ANKLE2: variants seen among roughly 807,000 people sequenced by gnomAD.
The protein encoded by ANKLE2 is ankyrin repeat and LEM domain containing 2.
ANKLE2 carries 55 observed loss-of-function variants against 84.2 expected under a neutral mutation model. The ratio of observed to expected loss-of-function variants is 0.65; its 90% confidence interval spans 0.53 to 0.82. The LOEUF is 0.82. ANKLE2 is among the 40% of genes least tolerant of loss of function. ANKLE2 has a pLI of 0.00. For synonymous variants in ANKLE2, 551 were observed against 486.1 expected, an observed-to-expected ratio of 1.13 and a Z score of -1.76; for missense variants, 1,238 against 1,201.9, an observed-to-expected ratio of 1.03 and a Z score of -0.44.
chr12:132,737,006 G>C lies in ANKLE2; in HGVS notation c.1480C>G (p.Leu494Val). 1 of 1,613,244 alleles carries C rather than the reference G, an allele frequency of 6.2e-7. No individual in the cohort carries two copies. Among genetic ancestry groups the C allele is most frequent in the South Asian group, 1.1e-5 (1 of 91,066 alleles). ...TCAGCCGTCTGGTCTGGGGACCACA[G>C]CTCCCCGATGACTGGAGAAGAAGTC... ...EETSSPVIGE[L>V]WSPDQTAEAS... The change falls in exon 8 of 13, where the codon CTG becomes GTG. Residue 494 changes from leucine to valine, a missense_variant. Leu to Val is a conservative substitution (Grantham distance 32). Coordinates refer to ENST00000357997, the MANE Select transcript of ANKLE2 (RefSeq NM_015114.3).
rs2043719331 is a variant in ANKLE2, at chr12:132,727,345, C to G, written c.2714G>C (p.Ser905Thr). The change falls in exon 13 of 13, where the codon AGC (serine) becomes ACC (threonine). Residue 905 changes from serine to threonine, a missense_variant. Around this residue, in one of 3 missense-constraint regions of ANKLE2, gnomAD observed 802 missense variants for 774.5 expected, o/e 1.04. Transcript: ENST00000357997. Reference protein sequence around the residue: ...YSPGRNSVAGSNPAKPGLGSP... With the variant: ...YSPGRNSVAGTNPAKPGLGSP... ...GCCCAGGCCTGGCTTTGCGGGGTTG[C>G]TTCCAGCCACGCTGTTTCTCCCCGG... 1 of 1,561,440 alleles carries G rather than the reference C, an allele frequency of 6.4e-7. No homozygotes were observed.
chr12:132,743,423 T>C lies in ANKLE2; in HGVS notation c.1231-147A>G. The stretch of plus-strand genomic sequence containing the variant: ...GGCGTGATCTTGGCTCACTGCAACC[T>C]CTGCCTCCCGGGTTTAACCGATTCT... On this transcript the variant is annotated intron_variant, in intron 5 of 12. Transcript: ENST00000357997. The surrounding 1 kb of genome is among the most constrained non-coding windows in gnomAD (Gnocchi z 4.1). 2.8e-6 allele frequency: 3 copies of C among 1,074,128 alleles called. No individual in the cohort carries two copies. The highest frequency in any genetic ancestry group is 3.7e-6 in the Non-Finnish European group (3 of 800,952). The allele number at this position is 1,074,128 out of a possible 1,614,324, so 66.5% of individuals were successfully genotyped here. A position where few individuals can be genotyped will look rare whatever the true frequency, so the allele number is the denominator to read the frequency against.
At chr12:132,756,561 G>T (rs368741392) in intron 1 of ANKLE2, 1 of 151,672 alleles carries the variant, frequency 6.6e-6, no homozygotes, top group African/African-American at 2.4e-5. Context: ...AAGATGGCGG[G>T]GGGGAGTAAT....
In ANKLE2 at chr12:132,737,037, C is replaced by G; in HGVS notation, c.1449G>C (p.Ala483=). ...CGATGACTGGAGAAGAAGTCTCTTC[C>G]GCTCTCAGGAGGGGCACGTAGTAGT... ...KGHYYVPLLR[A]EETSSPVIGE... The change falls in exon 8 of 13, where the codon GCG becomes GCC. Residue 483 remains alanine, a synonymous_variant. Transcript: ENST00000357997. 1 of 1,608,144 alleles carries G rather than the reference C, an allele frequency of 6.2e-7. No individual in the cohort carries two copies. Among genetic ancestry groups the G allele is most frequent in the Non-Finnish European group, 8.5e-7 (1 of 1,175,626 alleles).
intron 10 of ANKLE2, 190 bp downstream of exon 10, chr12:132,734,195 A>G (rs2043957428): frequency 1.5e-6 from 1 of 652,074 alleles, no homozygotes; most frequent in Admixed American, 2.8e-5. Context: ...CAGTGAGCCA[A>G]GATTGCGCCA....
At chr12:132,752,743 A>G (rs1005024646) in intron 2 of ANKLE2, among the ~76,000 whole-genome samples, 4 of 152,232 alleles carry the variant, frequency 2.6e-5, no homozygotes, top group African/African-American at 4.8e-5. Flanking sequence ...TTATGTACTC[A>G]TAGGCGTCAC....
At position 132,743,937 on chromosome 12, in the gene ANKLE2, G is replaced by A. The variant is rs2044182065; in HGVS notation, c.1231-661C>T. On this transcript the variant is annotated intron_variant, in intron 5 of 12. Coordinates refer to ENST00000357997, the MANE Select transcript of ANKLE2 (RefSeq NM_015114.3). The surrounding 1 kb of genome is among the most constrained non-coding windows in gnomAD (Gnocchi z 4.1). ...GAATAAAGCAAAGCGCACGAATTTG[G>A]TCTGTACTCAAAGAAGTCTCTGCGG... Among the ~76,000 whole-genome samples the A allele has an allele frequency of 6.6e-6, 1 of 152,168 alleles. No individual in the cohort carries two copies. Among genetic ancestry groups the A allele is most frequent in the Non-Finnish European group, 1.5e-5 (1 of 68,038 alleles).
rs2044335197 is a variant in ANKLE2 at position 132,750,668 on chromosome 12, T to C, written c.822A>G (p.Pro274=). Residue 274 remains proline, a synonymous_variant, in exon 3 of 13, where the codon CCA becomes CCG. Transcript: ENST00000357997. ...SLPLSPVKTA[P]LFSNDRLKDG... ...CTTTCAACCTGTCATTGCTAAAGAG[T>C]GGAGCTGTTTTCACAGGAGACAGTG... is the stretch of plus-strand genomic sequence containing the variant. 6.2e-7 allele frequency: 1 copy of C among 1,613,958 alleles called. No individual in the cohort carries two copies. The highest frequency in any genetic ancestry group is 1.3e-5 in the African/African-American group (1 of 74,888).
At chr12:132,731,934 G>A (rs577344573) in intron 10 of ANKLE2, 2 of 151,922 alleles carry the variant, frequency 1.3e-5, no homozygotes, top group South Asian at 4.1e-4. Flanking sequence ...GCGTCCTGGT[G>A]TCTGATATAC....
chr12:132,750,498 C>A, intron 3 of ANKLE2, 145 bp downstream of exon 3: 1 of 776,668 alleles, frequency 1.3e-6, no homozygotes, highest in Non-Finnish European at 2.1e-6. Context: ...AGCATCAGAG[C>A]CAGCATGGCC....
chr12:132,732,812 CTGACGTGCACCATG>C, intron 10 of ANKLE2, among the ~76,000 whole-genome samples: 1 of 136,012 alleles, frequency 7.4e-6, no homozygotes, highest in African/African-American at 2.8e-5. Flanking sequence ...GTCCTGGTGT[CTGACGTGCACCATG>C]TGAAGCCCTC....
chr12:132,741,453 C>T lies in ANKLE2; in HGVS notation c.1386G>A (p.Val462=), dbSNP rs2044121302. ...VICERSKNKS[V]ELKERIREYL... ...ACTCTCTGATCCGCTCCTTCAGTTC[C>T]ACAGATTTATTTTTGCTTCTTTCAC... The change falls in exon 7 of 13, where the codon GTG becomes GTA. Residue 462 remains valine, a synonymous_variant. Transcript: ENST00000357997. 1 of 1,614,190 alleles carries T rather than the reference C, an allele frequency of 6.2e-7. No individual in the cohort carries two copies. The highest frequency in any genetic ancestry group is 8.5e-7 in the Non-Finnish European group (1 of 1,180,034).
At position 132,728,079 on chromosome 12, in the gene ANKLE2, G is replaced by A; in HGVS notation, c.2568C>T (p.His856=). 1.2e-6 allele frequency: 2 copies of A among 1,612,930 alleles called. No individual in the cohort carries two copies. The highest frequency in any genetic ancestry group is 1.7e-6 in the Non-Finnish European group (2 of 1,179,944). ...DVDPHQFPAV[H]RWKSAVLCYS... The stretch of plus-strand genomic sequence containing the variant: ...AGCACAGGACAGCACTCTTCCATCT[G>A]TGCACGGCCGGGAACTGATGGGGGT... Residue 856 remains histidine (H), a synonymous_variant, in exon 12 of 13, where the codon CAC becomes CAT. Coordinates refer to ENST00000357997, the MANE Select transcript of ANKLE2 (RefSeq NM_015114.3).
rs540510008 is a variant in ANKLE2 at position 132,733,691 on chromosome 12, G to A, written c.1891+694C>T. 7.3e-3 allele frequency among the ~76,000 whole-genome samples: 1,109 copies of A among 151,596 alleles called. 12 individuals carry two copies. The highest frequency in any genetic ancestry group is 0.026 in the African/African-American group (1,061 of 41,262). On this transcript the variant is annotated intron_variant, in intron 10 of 12. Transcript: ENST00000357997. ...CGCTCTGCGTCCTGGTGTCTGATAT[G>A]CACTGTGTGAAGCGCTCTGCGTCCT... is the stretch of plus-strand genomic sequence containing the variant.
rs1294918826 is a variant in ANKLE2, at chr12:132,734,476, T to C, written c.1800A>G (p.Glu600=). The change falls in exon 10 of 13, where the codon GAA becomes GAG. Residue 600 remains glutamate (E), a synonymous_variant. Transcript: ENST00000357997. ...CTATTTCCTGCTGTGTGAGATATTC[T>C]TCTAGTCTTTGCAGGCCTTCCTGGG... ...LSSQEGLQRL[E]EYLTQQEIGK... is the part of the protein sequence containing the mutation. The C allele has an allele frequency of 2.5e-6, 4 of 1,614,176 alleles. No individual in the cohort carries two copies. The East Asian group carries it at 6.7e-5, about 27-fold the overall frequency.
rs1470488940 is a variant in ANKLE2, at chr12:132,743,698, ACT to A, written c.1231-424_1231-423del. Among the ~76,000 whole-genome samples the A allele has an allele frequency of 2.0e-5, 3 of 151,170 alleles. No individual in the cohort carries two copies. The highest frequency in any genetic ancestry group is 4.9e-5 in the African/African-American group (2 of 41,206). On this transcript the variant is annotated intron_variant, in intron 5 of 12. Coordinates refer to ENST00000357997, the MANE Select transcript of ANKLE2 (RefSeq NM_015114.3). This position sits in a 1 kb window ranked among gnomAD's most constrained non-coding sequence, Gnocchi z 4.1. ...CTCACAAACAAAAAGGCCATAAAAG[ACT>A]CTGCTTTTATAATGGAAAAATAATT...
chr12:132,748,075 T>A, intron 4 of ANKLE2, 55 bp from the exon 5 acceptor site: 1 of 1,604,828 alleles, frequency 6.2e-7, no homozygotes, highest in African/African-American at 1.3e-5. Context: ...ACACGCCCTG[T>A]GCGAGTGCTG....
chr12:132,733,583 T>C (rs1423680209), intron 10 of ANKLE2, among the ~76,000 whole-genome samples: 1 of 150,178 alleles, frequency 6.7e-6, no homozygotes, highest in Non-Finnish European at 1.5e-5. Flanking sequence ...AAATGCACCG[T>C]GTGAAGCACT....
At position 132,727,449 on chromosome 12, in the gene ANKLE2, G is replaced by C. The variant is rs2136097389; in HGVS notation, c.2616-6C>G. ...TCACCGCGGGACTGGGCCAACTGCG[G>C]AAAGCAAGAAAGAACTGTTAGCAGA... On this transcript the variant is annotated splice_region_variant and splice_polypyrimidine_tract_variant and intron_variant, in intron 12 of 12. Transcript: ENST00000357997. 1 of 1,552,126 alleles carries C rather than the reference G, an allele frequency of 6.4e-7. No individual in the cohort carries two copies. Among genetic ancestry groups the C allele is most frequent in the South Asian group, 1.2e-5 (1 of 83,952 alleles).
Sources: gnomAD v4.1 joint callset for allele counts (sites outside exome capture counted in the v4.1 genomes callset) on GRCh38, gnomAD v4.1.1 for gene constraint, gnomAD v4.1.1 regional missense constraint, Gnocchi (gnomAD v3.1) non-coding constraint, MANE v1.5 for transcripts, NCBI Gene and HGNC (gene_info 2026-07-23, HGNC 2026-07-21) for gene names.